SDK1: variants seen among roughly 807,000 people sequenced by gnomAD.
SDK1 encodes the protein protein sidekick-1.
A neutral mutation model predicts 245.5 loss-of-function variants in SDK1; 157 were observed. That is an observed-to-expected ratio of 0.64 (90% CI 0.56 to 0.73). The LOEUF (loss-of-function observed/expected upper bound fraction) is 0.73, where lower values mean the gene tolerates loss of function less well. Among genes scored for constraint, SDK1 ranks in the 30% least tolerant of loss-of-function variants. The probability of loss-of-function intolerance (pLI) is 0.00; values close to 1 mark genes in which losing one functional copy is unlikely to be tolerated. For missense variants in SDK1, 3,583 were observed against 3,002.3 expected, an observed-to-expected ratio of 1.19 and a Z score of -4.52; for synonymous variants, 1,647 against 1,278.5, an observed-to-expected ratio of 1.29 and a Z score of -6.15.
intron 29 of SDK1, among the ~76,000 whole-genome samples, chr7:4,148,648 C>T (rs778294520): frequency 1.3e-5 from 2 of 152,230 alleles, no homozygotes; most frequent in East Asian, 1.9e-4. Context: ...CAAGACCCTG[C>T]GACCCCAGCT....
intron 5 of SDK1, among the ~76,000 whole-genome samples, chr7:3,894,428 T>C (rs549825003): frequency 6.8e-6 from 1 of 147,558 alleles, no homozygotes; most frequent in Non-Finnish European, 1.5e-5. Flanking sequence ...TGCAGGGCCT[T>C]GGTGCCAGGC....
At chr7:4,014,684 G>C (rs537680121) in intron 16 of SDK1, among the ~76,000 whole-genome samples, 4 of 152,208 alleles carry the variant, frequency 2.6e-5, no homozygotes, top group Admixed American at 2.6e-4. Flanking sequence ...GTGTTTCTTT[G>C]AGAGGAGCAT....
At chr7:3,967,535 C>T (rs1782173791) in intron 10 of SDK1, 101 bp downstream of exon 10, 2 of 756,044 alleles carry the variant, frequency 2.6e-6, no homozygotes, top group Non-Finnish European at 4.7e-6. Context: ...TTCACTTATG[C>T]ATTCACTCAA....
chr7:4,062,647 A>T (rs1227178732), intron 19 of SDK1, among the ~76,000 whole-genome samples: 1 of 152,218 alleles, frequency 6.6e-6, no homozygotes, highest in Non-Finnish European at 1.5e-5. Flanking sequence ...AGACAAGGAC[A>T]TAACAACAAA....
intron 7 of SDK1, among the ~76,000 whole-genome samples, chr7:3,957,185 T>C (rs901351299): frequency 6.6e-6 from 1 of 152,122 alleles, no homozygotes; most frequent in Non-Finnish European, 1.5e-5. Context: ...TTTGGGGTGC[T>C]CCTGGTCATG....
At chr7:4,145,374 G>A (rs1167422121) in intron 28 of SDK1, among the ~76,000 whole-genome samples, 2 of 152,172 alleles carry the variant, frequency 1.3e-5, no homozygotes, top group African/African-American at 4.8e-5. Flanking sequence ...ACTGCAGGAG[G>A]GAGGGAGAGG....
At chr7:3,724,448 T>TTGTACCATCACCTTATTATGTC (rs1184646861) in intron 4 of SDK1, among the ~76,000 whole-genome samples, 1 of 152,114 alleles carries the variant, frequency 6.6e-6, no homozygotes, top group African/African-American at 2.4e-5. Flanking sequence ...TGTTATTCTA[T>TTGTACCATCACCTTATTATGTC]TGTACCATCA....
chr7:3,731,026 G>A lies in SDK1; in HGVS notation c.713+88921G>A, dbSNP rs539695731. On this transcript the variant is annotated intron_variant, in intron 4 of 44. Coordinates refer to ENST00000404826, the MANE Select transcript of SDK1 (RefSeq NM_152744.4). ...TTGAGTGGTGTATCAGTTAGCTGTTGCTGTGTAACAAAACCCCTCTCAAAT... is the reference window on the plus strand; with the variant it reads ...TTGAGTGGTGTATCAGTTAGCTGTTACTGTGTAACAAAACCCCTCTCAAAT... Among the ~76,000 whole-genome samples, 3 of 152,288 alleles carry A rather than the reference G, an allele frequency of 2.0e-5. No homozygotes were observed. The South Asian group carries it at 6.2e-4, about 32-fold the overall frequency.
At chr7:4,220,038 A>T in intron 38 of SDK1, 71 bp from the exon 39 acceptor site, 1 of 1,542,016 alleles carries the variant, frequency 6.5e-7, no homozygotes, top group African/African-American at 1.4e-5. Context: ...TGTTATCGCA[A>T]CAGAACAGAC....
chr7:4,113,419 A>C lies in SDK1; in HGVS notation c.3565A>C (p.Ser1189Arg), dbSNP rs1467196843. The C allele has an allele frequency of 6.2e-7, 1 of 1,613,810 alleles. No individual in the cohort carries two copies. The highest frequency in any genetic ancestry group is 1.3e-5 in the African/African-American group (1 of 74,940). ...CACGGTCCGTACTGCCAGTGAGACCAGCCTGCGGCTTCGCTGGGTGGTGAG... is the reference window on the plus strand; with the variant it reads ...CACGGTCCGTACTGCCAGTGAGACCCGCCTGCGGCTTCGCTGGGTGGTGAG... ...SVTVRTASET[S>R]LRLRWVPLPD... Residue 1189 changes from serine to arginine, a missense_variant, in exon 24 of 45, where the codon AGC becomes CGC. Coordinates refer to ENST00000404826, the MANE Select transcript of SDK1 (RefSeq NM_152744.4).
intron 4 of SDK1, among the ~76,000 whole-genome samples, chr7:3,778,423 A>G (rs1463767816): frequency 6.6e-6 from 1 of 152,082 alleles, no homozygotes; most frequent in Non-Finnish European, 1.5e-5. Flanking sequence ...GCTATTTCCC[A>G]TTGCACGGTT....
chr7:3,992,056 A>G (rs981861307), intron 14 of SDK1, among the ~76,000 whole-genome samples: 1 of 152,182 alleles, frequency 6.6e-6, no homozygotes. Flanking sequence ...CCCTCCGGCT[A>G]CTTGGGAGAC....
intron 1 of SDK1, among the ~76,000 whole-genome samples, chr7:3,490,867 G>C (rs940325145): frequency 6.6e-6 from 1 of 152,240 alleles, no homozygotes; most frequent in South Asian, 2.1e-4. Flanking sequence ...TGGAACTCTG[G>C]TAGAAGACAG....
chr7:4,030,760 C>G (rs1349611377), intron 17 of SDK1, among the ~76,000 whole-genome samples: 1 of 152,192 alleles, frequency 6.6e-6, no homozygotes, highest in Non-Finnish European at 1.5e-5. Context: ...GTTGCACTAG[C>G]CTTCCCGCTG....
intron 1 of SDK1, among the ~76,000 whole-genome samples, chr7:3,377,755 A>AG (rs1562450272): frequency 6.6e-6 from 1 of 151,884 alleles, no homozygotes; most frequent in Non-Finnish European, 1.5e-5. Context: ...GTTCCAAACT[A>AG]TATTTTTATT....
At position 4,029,557 on chromosome 7, in the gene SDK1, A is replaced by C. The variant is rs76207131; in HGVS notation, c.2602+12205A>C. ...TCATTCATTCATTCATTCATTCAGT[A>C]AGCACTTTGTAGATAAGATGAGAAA... On this transcript the variant is annotated intron_variant, in intron 17 of 44. Transcript: ENST00000404826. 3.7e-3 allele frequency among the ~76,000 whole-genome samples: 558 copies of C among 151,150 alleles called. 6 individuals are homozygous for C. In the South Asian group the frequency reaches 0.039, roughly 11 times the overall value.
chr7:3,691,968 T>C (rs1298808379), intron 4 of SDK1, among the ~76,000 whole-genome samples: 1 of 152,134 alleles, frequency 6.6e-6, no homozygotes, highest in Non-Finnish European at 1.5e-5. Flanking sequence ...GCTGGGTCTT[T>C]CAGTCTGTCC....
intron 1 of SDK1, among the ~76,000 whole-genome samples, chr7:3,435,811 T>C (rs1402859982): frequency 2.0e-5 from 3 of 152,208 alleles, no homozygotes; most frequent in Non-Finnish European, 4.4e-5. Context: ...ACGTCCCTCA[T>C]GCTTTCTCAT....
At position 3,659,876 on chromosome 7, in the gene SDK1, A is replaced by G. The variant is rs535047993; in HGVS notation, c.713+17771A>G. On this transcript the variant is annotated intron_variant, in intron 4 of 44. Transcript: ENST00000404826. ...GGTTAAAAGTAGAATCCACAGGGCC[A>G]AAAGAGGGATTTGGGATGTAGTGGA... is the stretch of plus-strand genomic sequence containing the variant. Among the ~76,000 whole-genome samples, 107 of 152,332 alleles carry G rather than the reference A, an allele frequency of 7.0e-4. 1 individual carries two copies. Among genetic ancestry groups the G allele is most frequent in the African/African-American group, 2.5e-3 (106 of 41,596 alleles).
Sources: gnomAD v4.1 joint callset for allele counts (sites outside exome capture counted in the v4.1 genomes callset) on GRCh38, gnomAD v4.1.1 for gene constraint, MANE v1.5 for transcripts, NCBI Gene and HGNC (gene_info 2026-07-23, HGNC 2026-07-21) for gene names.